The following TBC1D31 variants were observed in gnomAD, a reference collection of about 807,000 sequenced individuals.
TBC1D31 encodes WD repeat domain 67.
In TBC1D31, 99 loss-of-function variants were observed where a neutral mutation model predicts 132.9. That is an observed-to-expected ratio of 0.74 (90% CI 0.63 to 0.88). The LOEUF is 0.88. TBC1D31 is among the 40% of genes least tolerant of loss of function. TBC1D31 has a pLI of 0.00. For missense variants in TBC1D31, 1,134 were observed against 1,256.6 expected (o/e 0.90, Z 1.48); for synonymous variants, 385 against 419.4 (o/e 0.92, Z 1.00).
At chr8:123,128,230 A>G in intron 13 of TBC1D31, 51 bp from the exon 14 acceptor site, 1 of 932,432 alleles carries the variant, frequency 1.1e-6, no homozygotes, top group African/African-American at 1.6e-5. Flanking sequence ...ATTCTACCTC[A>G]TAATTGCTTT....
At chr8:123,145,871 C>CTTTTTTTT (rs57816964) in intron 20 of TBC1D31, among the ~76,000 whole-genome samples, 3 of 133,516 alleles carry the variant, frequency 2.2e-5, no homozygotes, top group Admixed American at 7.6e-5. Context: ...TTCTCTTTTT[C>CTTTTTTTT]TTTTTTTTTT....
At chr8:123,092,256 C>G (rs1359807424) in intron 4 of TBC1D31, among the ~76,000 whole-genome samples, 4 of 152,098 alleles carry the variant, frequency 2.6e-5, no homozygotes, top group Admixed American at 1.3e-4. Flanking sequence ...CTCAGGTGAT[C>G]CACCCACCTC....
chr8:123,117,804 C>T (rs1038560270), intron 10 of TBC1D31, among the ~76,000 whole-genome samples: 6 of 150,240 alleles, frequency 4.0e-5, no homozygotes, highest in Non-Finnish European at 7.4e-5. Context: ...GTGGCACACA[C>T]CTATAGTCCT....
chr8:123,104,202 G>A (rs188206628), intron 7 of TBC1D31: 8 of 152,148 alleles, frequency 5.3e-5, no homozygotes, highest in Admixed American at 2.0e-4. Flanking sequence ...GTAAATTTCA[G>A]CTCTCATGGT....
At chr8:123,154,813 G>A (rs1368962660), downstream of TBC1D31, among the ~76,000 whole-genome samples, 4 of 152,184 alleles carry the variant, frequency 2.6e-5, no homozygotes, top group African/African-American at 9.7e-5. Flanking sequence ...ACGACTAGAT[G>A]TCCCCCATGC....
At chr8:123,147,325 ACCACGC>A (rs898308308) in intron 20 of TBC1D31, among the ~76,000 whole-genome samples, 6 of 151,822 alleles carry the variant, frequency 4.0e-5, no homozygotes, top group African/African-American at 1.5e-4. Context: ...GGCGCCCACC[ACCACGC>A]CCAGCTAATT....
At chr8:123,151,492 T>G (rs747708642) in intron 21 of TBC1D31, among the ~76,000 whole-genome samples, 32 of 152,222 alleles carry the variant, frequency 2.1e-4, no homozygotes, top group Admixed American at 9.8e-4. Flanking sequence ...CTATTAAGCA[T>G]CATTGTGAGG....
chr8:123,128,726 A>C (rs1820337058), intron 14 of TBC1D31, among the ~76,000 whole-genome samples: 1 of 152,142 alleles, frequency 6.6e-6, no homozygotes, highest in Admixed American at 6.5e-5. Flanking sequence ...GATACAAAAA[A>C]TTAGCCAGGC....
At chr8:123,128,762 G>A (rs560781451) in intron 14 of TBC1D31, among the ~76,000 whole-genome samples, 26 of 152,064 alleles carry the variant, frequency 1.7e-4, no homozygotes, top group South Asian at 4.2e-4. Context: ...TGTAGTCCCA[G>A]CTACTCAGGA....
chr8:123,092,076 G>A (rs531041035), intron 4 of TBC1D31, among the ~76,000 whole-genome samples: 6 of 152,172 alleles, frequency 3.9e-5, no homozygotes, highest in South Asian at 4.2e-4. Flanking sequence ...GTGCAGTGGC[G>A]CAATCTCAGC....
chr8:123,129,678 A>G (rs1191988536), intron 15 of TBC1D31, among the ~76,000 whole-genome samples: 1 of 152,166 alleles, frequency 6.6e-6, no homozygotes, highest in Admixed American at 6.6e-5. Context: ...TGCGTATTCA[A>G]AAGTACGTTA....
At position 123,076,543 on chromosome 8, in the gene TBC1D31, T is replaced by C. The variant is rs536163448; in HGVS notation, c.78-568T>C. 1.3e-4 allele frequency among the ~76,000 whole-genome samples: 20 copies of C among 152,334 alleles called. No individual in the cohort carries two copies. The South Asian group carries it at 4.1e-3, about 32-fold the overall frequency. ...AAAGCATTTGTTCATTCAGCAGGCA[T>C]ATTTTGAGTGTCTTTTGTGTGTTGT... On this transcript the variant is annotated intron_variant, in intron 1 of 21. Transcript: ENST00000287380.
intron 10 of TBC1D31, 107 bp from the exon 11 acceptor site, chr8:123,119,948 G>A: frequency 1.1e-6 from 1 of 915,644 alleles, no homozygotes; most frequent in Non-Finnish European, 1.6e-6. Context: ...AGATGATAGG[G>A]GTACAAGGAA....
At chr8:123,079,817 A>G (rs1329083031) in intron 2 of TBC1D31, among the ~76,000 whole-genome samples, 1 of 152,056 alleles carries the variant, frequency 6.6e-6, no homozygotes. Flanking sequence ...AGCCTCAAGT[A>G]TATTGTAAGT....
In TBC1D31 at chr8:123,134,101, TG is replaced by T. The variant is rs1380873839; in HGVS notation, c.2407-12del. 2 of 1,588,692 alleles carry T rather than the reference TG, an allele frequency of 1.3e-6. No individual in the cohort carries two copies. Among genetic ancestry groups the T allele is most frequent in the Non-Finnish European group, 1.7e-6 (2 of 1,165,072 alleles). ...ATTCTTTTTGGTATTTACAGTTTGT[TG>T]TTTGGCCATAGGTATATATGAGAGA... On this transcript the variant is annotated splice_polypyrimidine_tract_variant and intron_variant, in intron 16 of 21. Transcript: ENST00000287380.
chr8:123,085,968 G>A (rs925132232), intron 4 of TBC1D31, among the ~76,000 whole-genome samples: 19 of 152,154 alleles, frequency 1.2e-4, no homozygotes, highest in South Asian at 4.1e-4. Flanking sequence ...CTGGGCTTCC[G>A]TTTCCTGAGC....
Position 123,078,404 on chromosome 8 carries a change from G to A in TBC1D31, c.224+1147G>A, listed in dbSNP as rs561678940. Among the ~76,000 whole-genome samples the A allele has an allele frequency of 2.6e-5, 4 of 152,226 alleles. No individual in the cohort carries two copies. In the South Asian group the frequency reaches 8.3e-4, roughly 32 times the overall value. Reference sequence around the variant, plus strand: ...TTAGATATATCAGTTTGAACCCCTGGTTTTGAATATATAGAGATAGATATA... The same window carrying A: ...TTAGATATATCAGTTTGAACCCCTGATTTTGAATATATAGAGATAGATATA... On this transcript the variant is annotated intron_variant, in intron 2 of 21. Coordinates refer to ENST00000287380, the MANE Select transcript of TBC1D31 (RefSeq NM_145647.4).
intron 1 of TBC1D31, chr8:123,073,558 C>A (rs1032360789): frequency 8.3e-6 from 3 of 362,032 alleles, no homozygotes; most frequent in Non-Finnish European, 1.1e-5. Context: ...TCCCTGGAAG[C>A]CTTTGCTACA....
In TBC1D31 at chr8:123,129,236, A is replaced by T. The variant is rs1479730113; in HGVS notation, c.2270+18A>T. On this transcript the variant is annotated intron_variant, in intron 15 of 21. Coordinates refer to ENST00000287380, the MANE Select transcript of TBC1D31 (RefSeq NM_145647.4). ...AGACAGAGGTATGTGTTATCACTTTAAAAAAAAATCTGGACATATAAGTTA... is the reference window on the plus strand; with the variant it reads ...AGACAGAGGTATGTGTTATCACTTTTAAAAAAAATCTGGACATATAAGTTA... 7.8e-6 allele frequency: 11 copies of T among 1,406,476 alleles called. No individual in the cohort carries two copies. The highest frequency in any genetic ancestry group is 1.0e-5 in the Non-Finnish European group (11 of 1,051,908). The allele number at this position is 1,406,476 out of a possible 1,614,324, so 87.1% of individuals were successfully genotyped here.
Sources: allele counts gnomAD v4.1 joint callset (sites outside exome capture counted in the v4.1 genomes callset), GRCh38; gene constraint gnomAD v4.1.1; transcripts MANE v1.5; gene names NCBI Gene and HGNC (gene_info 2026-07-23, HGNC 2026-07-21).